RCBTB2: variants seen among roughly 807,000 people sequenced by gnomAD.
RCBTB2 encodes RCC1 and BTB domain-containing protein 2.
Under a neutral mutation model 65.4 loss-of-function variants are expected in RCBTB2, and 55 were observed. That is an observed-to-expected ratio of 0.84 (90% CI 0.68 to 1.05). The LOEUF is 1.05. Among genes scored for constraint, RCBTB2 ranks in the 50% least tolerant of loss-of-function variants. RCBTB2 has a pLI of 0.00. For missense variants in RCBTB2, 599 were observed against 680.1 expected, an observed-to-expected ratio of 0.88 and a Z score of 1.33; for synonymous variants, 220 against 255.2, an observed-to-expected ratio of 0.86 and a Z score of 1.31.
chr13:48,506,068 T>G (rs1950489419), intron 10 of RCBTB2, among the ~76,000 whole-genome samples: 1 of 152,224 alleles, frequency 6.6e-6, no homozygotes, highest in South Asian at 2.1e-4. Flanking sequence ...CAGGGAATAT[T>G]TCAAGTAAAA....
At chr13:48,496,785 A>AGAGAAGAGGGGAGGG (rs1323166751) in intron 13 of RCBTB2, among the ~76,000 whole-genome samples, 2 of 108,124 alleles carry the variant, frequency 1.8e-5, no homozygotes, top group African/African-American at 8.5e-5. Flanking sequence ...GGAGGGGAGA[A>AGAGAAGAGGGGAGGG]GAGAAGAGGG....
chr13:48,494,967 A>G (rs185403592), intron 14 of RCBTB2, among the ~76,000 whole-genome samples: 28 of 152,282 alleles, frequency 1.8e-4, no homozygotes, highest in African/African-American at 6.0e-4. Context: ...TGAAAGTGCT[A>G]ATGTTCTCTG....
chr13:48,499,111 A>ACACACACAC (rs1950107608), intron 13 of RCBTB2, among the ~76,000 whole-genome samples: 6 of 105,912 alleles, frequency 5.7e-5, no homozygotes, highest in African/African-American at 2.6e-4. Flanking sequence ...CCCCCACCCC[A>ACACACACAC]ACACACACAC....
chr13:48,492,162 C>T (rs1189634338), intron 14 of RCBTB2, among the ~76,000 whole-genome samples: 2 of 152,134 alleles, frequency 1.3e-5, no homozygotes, highest in Admixed American at 1.3e-4. Context: ...CACTGAGAAC[C>T]AGAATCACTT....
intron 1 of RCBTB2, among the ~76,000 whole-genome samples, chr13:48,531,380 T>C (rs1952109900): frequency 6.6e-6 from 1 of 152,212 alleles, no homozygotes. Context: ...CTTACAAATA[T>C]ATAATATCAG....
rs147286833 is a variant in RCBTB2, at chr13:48,510,748, T to C, written c.807A>G (p.Thr269=). ...VQRVACGYAH[T]LVLTDEGQVY... ...CTTGGCCTTCATCTGTTAATACTAA[T>C]GTGTGTGCGTAGCCACAGGCGACCT... Residue 269 remains threonine, a synonymous_variant, in exon 10 of 15, where the codon ACA becomes ACG. Coordinates refer to ENST00000344532, the MANE Select transcript of RCBTB2 (RefSeq NM_001268.4). 1,000 of 1,613,730 alleles carry C rather than the reference T, an allele frequency of 6.2e-4. 2 individuals carry two copies. The African/African-American group carries it at 8.0e-3, about 13-fold the overall frequency.
upstream of RCBTB2, among the ~76,000 whole-genome samples, chr13:48,534,773 T>C (rs1000251667): frequency 9.2e-5 from 14 of 152,238 alleles, no homozygotes; most frequent in Admixed American, 7.9e-4. Flanking sequence ...TTCAACACTT[T>C]TGGATAATTT....
In RCBTB2 at chr13:48,489,931, T is replaced by C. The variant is rs1040219205; in HGVS notation, c.*180A>G. ...CACATCTGATCAGAACATTCAATGC[T>C]TTCTACATAAACTCTGGGTTTAGGC... is the stretch of plus-strand genomic sequence containing the variant. On this transcript the variant is annotated 3_prime_UTR_variant, in exon 15 of 15. Coordinates refer to ENST00000344532, the MANE Select transcript of RCBTB2 (RefSeq NM_001268.4). 13 of 663,326 alleles carry C rather than the reference T, an allele frequency of 2.0e-5. No individual in the cohort carries two copies. Among genetic ancestry groups the C allele is most frequent in the African/African-American group, 1.8e-4 (10 of 54,594 alleles). The allele number at this position is 663,326 out of a possible 1,614,324, so 41.1% of individuals were successfully genotyped here.
intron 14 of RCBTB2, among the ~76,000 whole-genome samples, chr13:48,491,948 A>C (rs541015020): frequency 6.6e-6 from 1 of 152,058 alleles, no homozygotes; most frequent in African/African-American, 2.4e-5. Context: ...GGCCCCCATT[A>C]TTTTTCAGTT....
At chr13:48,522,026 A>T in intron 3 of RCBTB2, 64 bp from the exon 4 acceptor site, 6 of 1,347,818 alleles carry the variant, frequency 4.5e-6, no homozygotes, top group Non-Finnish European at 6.3e-6. Context: ...GCAGGTTAAA[A>T]TTACTTTACT....
chr13:48,532,365 G>A (rs1181788841), intron 1 of RCBTB2: 2 of 152,300 alleles, frequency 1.3e-5, no homozygotes, highest in African/African-American at 2.4e-5. Context: ...CGCTATTCCT[G>A]GACATCAGGA....
intron 4 of RCBTB2, among the ~76,000 whole-genome samples, chr13:48,518,561 G>T (rs1951235013): frequency 6.8e-6 from 1 of 148,006 alleles, no homozygotes; most frequent in African/African-American, 2.5e-5. Context: ...TTGGAATTTG[G>T]AATTCAAAAA....
In RCBTB2 at chr13:48,515,721, T is replaced by A. The variant is rs1277821751; in HGVS notation, c.63A>T (p.Ser21=). 1.2e-6 allele frequency: 2 copies of A among 1,611,360 alleles called. No individual in the cohort carries two copies. The highest frequency in any genetic ancestry group is 1.7e-4 in the Middle Eastern group (1 of 6,046). The change falls in exon 5 of 15, where the codon TCA becomes TCT. Residue 21 remains serine (S), a synonymous_variant. Transcript: ENST00000344532. ...TTCCCACATCTAACATCTTCAAAGA[T>A]GACAGAGTAGCCTGTACTGGCTGAA... is the stretch of plus-strand genomic sequence containing the variant. ...DSGKPVQATL[S]SLKMLDVGKW...
chr13:48,493,702 C>T (rs1949849557), intron 14 of RCBTB2, among the ~76,000 whole-genome samples: 3 of 152,034 alleles, frequency 2.0e-5, no homozygotes, highest in Admixed American at 2.0e-4. Context: ...GCCTCCCTGA[C>T]CATTCTATTT....
At chr13:48,532,840 A>G (rs1031412341) in intron 1 of RCBTB2, 188 bp downstream of exon 1, 2 of 347,334 alleles carry the variant, frequency 5.8e-6, no homozygotes, top group Non-Finnish European at 1.2e-5. Flanking sequence ...AGTTTTACGC[A>G]TGCGCGACGA....
intron 10 of RCBTB2, among the ~76,000 whole-genome samples, chr13:48,510,030 C>A (rs1375054994): frequency 6.6e-6 from 1 of 152,132 alleles, no homozygotes; most frequent in Non-Finnish European, 1.5e-5. Context: ...CAAAGGCTTT[C>A]AAAAATATCA....
chr13:48,535,523 C>A (rs192987437), upstream of RCBTB2, among the ~76,000 whole-genome samples: 1 of 152,124 alleles, frequency 6.6e-6, no homozygotes, highest in Non-Finnish European at 1.5e-5. Context: ...CCTAAAGTGC[C>A]GAGATTATAG....
intron 1 of RCBTB2, among the ~76,000 whole-genome samples, chr13:48,527,625 C>T (rs983387238): frequency 1.3e-5 from 2 of 151,970 alleles, no homozygotes; most frequent in Non-Finnish European, 2.9e-5. Flanking sequence ...CAAGTCTGTA[C>T]AAAAGTAATG....
chr13:48,493,307 A>ACTCTCTCTCT (rs1483026433), intron 14 of RCBTB2, among the ~76,000 whole-genome samples: 204 of 63,088 alleles, frequency 3.2e-3, no homozygotes, highest in South Asian at 5.6e-3. Flanking sequence ...ACACACACAC[A>ACTCTCTCTCT]CACACACACT....
Sources: allele counts gnomAD v4.1 joint callset (sites outside exome capture counted in the v4.1 genomes callset), GRCh38; gene constraint gnomAD v4.1.1; transcripts MANE v1.5; gene names NCBI Gene and HGNC (gene_info 2026-07-23, HGNC 2026-07-21).